Variants in FAM114A2 observed in about 807,000 individuals in gnomAD.
FAM114A2 encodes the protein protein FAM114A2.
Under a neutral mutation model 58.4 loss-of-function variants are expected in FAM114A2, and 53 were observed. The observed-to-expected ratio is 0.91, with a 90% CI of 0.73 to 1.14. FAM114A2 has a LOEUF of 1.14. FAM114A2 is among the 50% of genes most tolerant of loss of function. The pLI is 0.00. For synonymous variants in FAM114A2, 228 were observed against 211.4 expected (o/e 1.08, Z -0.68); for missense variants, 601 against 581.1 (o/e 1.03, Z -0.35).
intron 8 of FAM114A2, among the ~76,000 whole-genome samples, chr5:154,016,809 TA>T (rs1771069785): frequency 6.6e-6 from 1 of 151,538 alleles, no homozygotes; most frequent in Non-Finnish European, 1.5e-5. Context: ...GTAAATGGCC[TA>T]AACGCTCCAC....
chr5:154,030,519 A>C (rs888209916), intron 4 of FAM114A2, among the ~76,000 whole-genome samples: 7 of 152,228 alleles, frequency 4.6e-5, no homozygotes, highest in Non-Finnish European at 1.0e-4. Flanking sequence ...AAGAACAACA[A>C]AGTAAACCTT....
intron 9 of FAM114A2, among the ~76,000 whole-genome samples, chr5:154,004,120 C>T (rs1027590076): frequency 6.6e-6 from 1 of 152,184 alleles, no homozygotes; most frequent in African/African-American, 2.4e-5. Context: ...CGCCCAATGA[C>T]AAAACTGCCT....
At chr5:154,027,439 T>C (rs1254147009) in intron 6 of FAM114A2, 105 bp from the exon 7 acceptor site, 10 of 868,258 alleles carry the variant, frequency 1.2e-5, no homozygotes, top group South Asian at 2.4e-5. Context: ...GTACAGAGGA[T>C]TGCCCTTTCA....
chr5:153,998,963 A>G (rs764230861), intron 11 of FAM114A2, among the ~76,000 whole-genome samples: 7 of 152,230 alleles, frequency 4.6e-5, no homozygotes, highest in Non-Finnish European at 7.3e-5. Context: ...GAGGCAGCTA[A>G]ATCTACAATA....
chr5:154,002,925 C>G lies in FAM114A2; in HGVS notation c.1038G>C (p.Lys346Asn). ...CTCCTTCTTCATTCTCTGCTAATGG[C>G]TTGGTCAGAGACTTCCTGATCCATT... Reference protein sequence around the residue: ...AHEWIRKSLTKPLAENEEGEK... With the variant: ...AHEWIRKSLTNPLAENEEGEK... The change falls in exon 10 of 14, where the codon AAG (lysine) becomes AAC (asparagine). Residue 346 changes from lysine to asparagine, a missense_variant. By Grantham distance (94) the Lys-to-Asn change is moderately conservative. Coordinates refer to ENST00000351797, the MANE Select transcript of FAM114A2 (RefSeq NM_018691.4). 6.2e-7 allele frequency: 1 copy of G among 1,613,910 alleles called. No homozygotes were observed. The highest frequency in any genetic ancestry group is 8.5e-7 in the Non-Finnish European group (1 of 1,179,806).
chr5:154,015,952 G>A (rs889677859), intron 8 of FAM114A2, among the ~76,000 whole-genome samples: 18 of 152,022 alleles, frequency 1.2e-4, no homozygotes, highest in Middle Eastern at 3.4e-3. Flanking sequence ...AGGAAACAAC[G>A]GACGCACTTA....
intron 8 of FAM114A2, among the ~76,000 whole-genome samples, chr5:154,017,495 G>C (rs926757806): frequency 1.1e-5 from 1 of 93,230 alleles, no homozygotes; most frequent in Non-Finnish European, 2.4e-5. Context: ...CACAATAATA[G>C]TGGGGGACTT....
intron 3 of FAM114A2, 58 bp downstream of exon 3, chr5:154,034,220 G>A (rs1772381497): frequency 1.9e-6 from 2 of 1,041,362 alleles, no homozygotes; most frequent in African/African-American, 1.6e-5. Flanking sequence ...CATATGCAAT[G>A]CAGATCTGTA....
intron 12 of FAM114A2, among the ~76,000 whole-genome samples, chr5:153,996,620 C>T (rs1769575256): frequency 6.7e-6 from 1 of 150,330 alleles, no homozygotes; most frequent in Non-Finnish European, 1.5e-5. Flanking sequence ...CACAAACAAC[C>T]CAAGTTTTAA....
At chr5:154,001,702 T>C (rs1769984178) in intron 11 of FAM114A2, among the ~76,000 whole-genome samples, 1 of 152,184 alleles carries the variant, frequency 6.6e-6, no homozygotes, top group Non-Finnish European at 1.5e-5. Context: ...TGAAAAATTT[T>C]TGTACAAATC....
Position 154,028,234 on chromosome 5 carries a change from T to G in FAM114A2, c.545A>C (p.Lys182Thr). 6.2e-7 allele frequency: 1 copy of G among 1,611,382 alleles called. No individual in the cohort carries two copies. The highest frequency in any genetic ancestry group is 1.3e-5 in the African/African-American group (1 of 74,984). Residue 182 changes from lysine to threonine, a missense_variant, in exon 6 of 14, where the codon AAA becomes ACA. Transcript: ENST00000351797. ...GGLDALEFIG[K>T]KTMDVIAEGD... Reference sequence around the variant, plus strand: ...TTCTGCTATCACATCCATTGTCTTTTTTCCAATGAATTCTAAGGCATCCAA... The same window carrying G: ...TTCTGCTATCACATCCATTGTCTTTGTTCCAATGAATTCTAAGGCATCCAA...
At chr5:154,020,749 C>T (rs1487217052) in intron 8 of FAM114A2, among the ~76,000 whole-genome samples, 1 of 152,130 alleles carries the variant, frequency 6.6e-6, no homozygotes, top group East Asian at 1.9e-4. Flanking sequence ...CCTTCTAAAA[C>T]TACTCCAATC....
In FAM114A2 at chr5:154,002,405, A is replaced by G; in HGVS notation, c.1117-15T>C. ...GCATGGATATCCTGGATGGAAAAACAAAACAAAGCATAGCAAAACAAAACA... is the reference window on the plus strand; with the variant it reads ...GCATGGATATCCTGGATGGAAAAACGAAACAAAGCATAGCAAAACAAAACA... On this transcript the variant is annotated splice_polypyrimidine_tract_variant and intron_variant, in intron 10 of 13. Coordinates refer to ENST00000351797, the MANE Select transcript of FAM114A2 (RefSeq NM_018691.4). The G allele has an allele frequency of 6.2e-7, 1 of 1,611,468 alleles. No individual in the cohort carries two copies. Among genetic ancestry groups the G allele is most frequent in the Non-Finnish European group, 8.5e-7 (1 of 1,177,758 alleles).
intron 8 of FAM114A2, among the ~76,000 whole-genome samples, chr5:154,019,411 A>C (rs1012320868): frequency 2.0e-5 from 3 of 152,180 alleles, no homozygotes; most frequent in African/African-American, 7.2e-5. Context: ...AACACATCCC[A>C]TGCTCATGGA....
At chr5:154,016,082 A>G (rs1771020919) in intron 8 of FAM114A2, among the ~76,000 whole-genome samples, 1 of 152,164 alleles carries the variant, frequency 6.6e-6, no homozygotes, top group South Asian at 2.1e-4. Context: ...CAAAAGAAAA[A>G]GAAAATATGA....
chr5:154,003,177 G>GCTTTTTTTTTTTTTTTTTT lies in FAM114A2; in HGVS notation c.994-209_994-208insAAAAAAAAAAAAAAAAAAG, dbSNP rs369892098. Among the ~76,000 whole-genome samples, 3 of 134,882 alleles carry GCTTTTTTTTTTTTTTTTTT rather than the reference G, an allele frequency of 2.2e-5. 1 individual carries two copies. Among genetic ancestry groups the GCTTTTTTTTTTTTTTTTTT allele is most frequent in the African/African-American group, 5.5e-5 (2 of 36,660 alleles). 88.5% of individuals were successfully genotyped at this position (134,882 alleles called of 152,430 possible). On this transcript the variant is annotated intron_variant, in intron 9 of 13. Coordinates refer to ENST00000351797, the MANE Select transcript of FAM114A2 (RefSeq NM_018691.4). The stretch of plus-strand genomic sequence containing the variant: ...CCTTTTCAAAATTCTCTAATTGGTA[G>GCTTTTTTTTTTTTTTTTTT]TATTTTTTTTTTTTTTTTGAGATGG...
intron 8 of FAM114A2, among the ~76,000 whole-genome samples, chr5:154,017,181 G>C (rs1410752983): frequency 6.6e-6 from 1 of 152,172 alleles, no homozygotes; most frequent in South Asian, 2.1e-4. Flanking sequence ...AGTGGCTCAC[G>C]CCTGTAATCC....
rs544029717 is a variant in FAM114A2, at chr5:154,021,794, C to T, written c.913+4605G>A. Among the ~76,000 whole-genome samples, 34 of 152,278 alleles carry T rather than the reference C, an allele frequency of 2.2e-4. No individual in the cohort carries two copies. The East Asian group carries it at 6.2e-3, about 28-fold the overall frequency. On this transcript the variant is annotated intron_variant, in intron 8 of 13. Coordinates refer to ENST00000351797, the MANE Select transcript of FAM114A2 (RefSeq NM_018691.4). The stretch of plus-strand genomic sequence containing the variant: ...ACTTTCTTCACAGAATTGGAAAAAA[C>T]TACTGTAAAGTTCATATGGAACCAA...
intron 1 of FAM114A2, chr5:154,038,578 A>C (rs1772761800): frequency 6.6e-6 from 1 of 152,248 alleles, no homozygotes; most frequent in Admixed American, 6.5e-5. Flanking sequence ...TAGATGAGCA[A>C]ACATGCGCTC....
Sources: allele counts gnomAD v4.1 joint callset (sites outside exome capture counted in the v4.1 genomes callset), GRCh38; gene constraint gnomAD v4.1.1; transcripts MANE v1.5; gene names NCBI Gene and HGNC (gene_info 2026-07-23, HGNC 2026-07-21).